EPRS1: variants seen among roughly 807,000 people sequenced by gnomAD.
The protein encoded by EPRS1 is bifunctional glutamate/proline--tRNA ligase.
Under a neutral mutation model 188.3 loss-of-function variants are expected in EPRS1, and 107 were observed. The ratio of observed to expected loss-of-function variants is 0.57; its 90% confidence interval spans 0.49 to 0.67. EPRS1 has a LOEUF of 0.67. Ranked by LOEUF, EPRS1 falls within the 30% of genes least tolerant of loss-of-function variation. The probability of loss-of-function intolerance (pLI) is 0.00; values close to 1 mark genes in which losing one functional copy is unlikely to be tolerated. For synonymous variants in EPRS1, 596 were observed against 593.1 expected (o/e 1.00, Z -0.07); for missense variants, 1,577 against 1,802.2 (o/e 0.88, Z 2.26).
chr1:220,010,825 AG>A, intron 13 of EPRS1, 120 bp downstream of exon 13: 3 of 601,482 alleles, frequency 5.0e-6, no homozygotes, highest in Admixed American at 2.8e-5. Context: ...AAAAAAAAAA[AG>A]AAAGAAAGAA....
At chr1:220,019,456 T>C (rs998978428) in intron 10 of EPRS1, among the ~76,000 whole-genome samples, 11 of 152,222 alleles carry the variant, frequency 7.2e-5, no homozygotes, top group African/African-American at 2.7e-4. Context: ...ATCCTGTCAT[T>C]CACATATGAA....
intron 21 of EPRS1, among the ~76,000 whole-genome samples, chr1:219,983,809 C>T (rs1660948611): frequency 6.6e-6 from 1 of 151,112 alleles, no homozygotes; most frequent in Non-Finnish European, 1.5e-5. Flanking sequence ...AGGAGAATTG[C>T]TTGAACCCAG....
intron 18 of EPRS1, 39 bp downstream of exon 18, chr1:219,996,944 C>T (rs754808845): frequency 3.3e-6 from 5 of 1,525,798 alleles, no homozygotes; most frequent in Non-Finnish European, 4.4e-6. Flanking sequence ...TGAATTCACA[C>T]ACTGAAAATG....
At position 219,973,259 on chromosome 1, in the gene EPRS1, A is replaced by C; in HGVS notation, c.4223T>G (p.Ile1408Ser). Residue 1408 changes from isoleucine (I) to serine (S), a missense_variant, in exon 29 of 32, where the codon ATC becomes AGC. Physicochemically the swap from Ile to Ser is moderately radical, Grantham distance 142. Coordinates refer to ENST00000366923, the MANE Select transcript of EPRS1 (RefSeq NM_004446.3). ...CTACCTTGTGAAAAGGGTGACCTGG[A>C]TGTCTTCCAAAATAGCTTGAAGTTT... ...ETKLQAILED[I>S]QVTLFTRASE... 1.9e-6 allele frequency: 3 copies of C among 1,612,982 alleles called. No homozygotes were observed. In the Middle Eastern group the frequency reaches 5.0e-4, roughly 266 times the overall value.
rs1329886330 is a variant in EPRS1, at chr1:219,988,813, T to C, written c.2552A>G (p.Asn851Ser). 2 of 1,587,806 alleles carry C rather than the reference T, an allele frequency of 1.3e-6. No homozygotes were observed. Among genetic ancestry groups the C allele is most frequent in the African/African-American group, 2.7e-5 (2 of 73,746 alleles). Residue 851 changes from asparagine to serine, a missense_variant, in exon 19 of 32, where the codon AAT becomes AGT. Around this residue, in one of 3 missense-constraint regions of EPRS1, gnomAD observed 1,278 missense variants for 1,457.4 expected, o/e 0.88. Coordinates refer to ENST00000366923, the MANE Select transcript of EPRS1 (RefSeq NM_004446.3). ...KAEKSPKAKI[N>S]EAVECLLSLK... ...GGACAGTAAGCATTCTACAGCTTCA[T>C]TTATTTTAGCCTAAAATAAAAGAGA... is the stretch of plus-strand genomic sequence containing the variant.
Position 220,006,030 on chromosome 1 carries a change from C to T in EPRS1, c.1950+76G>A, listed in dbSNP as rs528056924. 6 of 829,354 alleles carry T rather than the reference C, an allele frequency of 7.2e-6. No individual in the cohort carries two copies. The East Asian group carries it at 8.8e-5, about 12-fold the overall frequency. 51.4% of individuals were successfully genotyped at this position (829,354 alleles called of 1,614,324 possible). ...ATCTTATCCATTTTATCTGAGGATCCGAAATATATAAAATTAATTTTTTTA... is the reference window on the plus strand; with the variant it reads ...ATCTTATCCATTTTATCTGAGGATCTGAAATATATAAAATTAATTTTTTTA... On this transcript the variant is annotated intron_variant, in intron 15 of 31. Transcript: ENST00000366923.
intron 20 of EPRS1, among the ~76,000 whole-genome samples, chr1:219,986,583 C>A (rs1661010028): frequency 1.3e-5 from 2 of 152,030 alleles, no homozygotes; most frequent in African/African-American, 4.8e-5. Context: ...ATTGGAAGAT[C>A]CTTAAAGAGC....
intron 13 of EPRS1, among the ~76,000 whole-genome samples, chr1:220,008,107 C>CAAAAAAAAA (rs55642831): frequency 3.0e-5 from 4 of 133,382 alleles, no homozygotes; most frequent in African/African-American, 8.6e-5. Flanking sequence ...ACTCCGTCAC[C>CAAAAAAAAA]AAAAAAAAAA....
chr1:220,035,371 C>T (rs1662157779), intron 2 of EPRS1, among the ~76,000 whole-genome samples: 1 of 152,004 alleles, frequency 6.6e-6, no homozygotes, highest in African/African-American at 2.4e-5. Context: ...AGGCTGGTCT[C>T]GAGTTCCTGA....
At position 219,988,759 on chromosome 1, in the gene EPRS1, C is replaced by A. The variant is rs749126455; in HGVS notation, c.2606G>T (p.Gly869Val). 4.5e-5 allele frequency: 73 copies of A among 1,613,626 alleles called. No homozygotes were observed. Among genetic ancestry groups the A allele is most frequent in the Non-Finnish European group, 5.9e-5 (70 of 1,179,778 alleles). ...SLKAQYKEKT[G>V]KEYIPGQPPL... Reference sequence around the variant, plus strand: ...GGGCTGACCAGGTATGTACTCCTTCCCAGTTTTTTCTTTATACTGAGCCTT... The same window carrying A: ...GGGCTGACCAGGTATGTACTCCTTCACAGTTTTTTCTTTATACTGAGCCTT... Residue 869 changes from glycine to valine, a missense_variant, in exon 19 of 32, where the codon GGG becomes GTG. Gly to Val is a moderately radical substitution (Grantham distance 109). Around this residue, in one of 3 missense-constraint regions of EPRS1, gnomAD observed 1,278 missense variants for 1,457.4 expected, o/e 0.88. Transcript: ENST00000366923.
intron 30 of EPRS1, 76 bp from the exon 31 acceptor site, chr1:219,969,198 T>G: frequency 9.4e-7 from 1 of 1,065,206 alleles, no homozygotes. Flanking sequence ...ATTTGAGTTC[T>G]ATATTAAACT....
rs1220270574 is a variant in EPRS1 at position 219,980,265 on chromosome 1, G to A, written c.3556-25C>T. 12 of 1,577,322 alleles carry A rather than the reference G, an allele frequency of 7.6e-6. No individual in the cohort carries two copies. The African/African-American group carries it at 1.6e-4, about 21-fold the overall frequency. On this transcript the variant is annotated intron_variant, in intron 25 of 31. Transcript: ENST00000366923. The stretch of plus-strand genomic sequence containing the variant: ...CCTGTAACATTTTAAATGTAAATGT[G>A]TTCAAATTTAGGGTACATTTATTCA...
chr1:219,981,334 AG>A (rs763677159), intron 24 of EPRS1, 43 bp downstream of exon 24: 26 of 1,260,936 alleles, frequency 2.1e-5, no homozygotes, highest in Admixed American at 1.4e-4. Flanking sequence ...AAAAAAAAAA[AG>A]AACATGAATA....
At chr1:220,024,955 A>G in intron 7 of EPRS1, 177 bp downstream of exon 7, 2 of 602,084 alleles carry the variant, frequency 3.3e-6, no homozygotes, top group South Asian at 1.9e-5. Flanking sequence ...ATAACTCTTA[A>G]GTTTTTTGGT....
intron 18 of EPRS1, among the ~76,000 whole-genome samples, chr1:219,994,680 T>A (rs61830370): frequency 0.18 from 23,740 of 130,110 alleles, 3,564 homozygotes; most frequent in East Asian, 0.43. Context: ...TGAGATAGAG[T>A]CTTGCTGTTG....
At chr1:219,970,517 G>A (rs886510989) in intron 30 of EPRS1, among the ~76,000 whole-genome samples, 6 of 152,030 alleles carry the variant, frequency 3.9e-5, no homozygotes, top group Admixed American at 6.5e-5. Flanking sequence ...AGTGGCTCAC[G>A]CCTGTAATCC....
intron 23 of EPRS1, 60 bp from the exon 24 acceptor site, chr1:219,981,517 TA>T: frequency 1.0e-6 from 1 of 1,000,914 alleles, no homozygotes; most frequent in Non-Finnish European, 1.5e-6. Context: ...TTTAGGGATG[TA>T]ACAGCTAAAC....
At chr1:219,998,358 A>G (rs150603610) in intron 17 of EPRS1, among the ~76,000 whole-genome samples, 9 of 152,078 alleles carry the variant, frequency 5.9e-5, no homozygotes, top group African/African-American at 1.9e-4. Flanking sequence ...CAAAGTGGGC[A>G]TGTCAGTAAA....
At chr1:220,000,023 G>A (rs1661318913) in intron 17 of EPRS1, among the ~76,000 whole-genome samples, 3 of 152,072 alleles carry the variant, frequency 2.0e-5, no homozygotes, top group Non-Finnish European at 1.5e-5. Flanking sequence ...AGTCTTTGAT[G>A]ACTGCTACCC....
Sources: gnomAD v4.1 joint callset for allele counts (sites outside exome capture counted in the v4.1 genomes callset) on GRCh38, gnomAD v4.1.1 for gene constraint, gnomAD v4.1.1 regional missense constraint, MANE v1.5 for transcripts, NCBI Gene and HGNC (gene_info 2026-07-23, HGNC 2026-07-21) for gene names.